CACNA2D3: variants seen among roughly 807,000 people sequenced by gnomAD.
The protein encoded by CACNA2D3 is calcium voltage-gated channel auxiliary subunit alpha2delta 3.
Under a neutral mutation model 160.6 loss-of-function variants are expected in CACNA2D3, and 60 were observed. The ratio of observed to expected loss-of-function variants is 0.37; its 90% CI spans 0.30 to 0.46. The LOEUF is 0.46. CACNA2D3 is among the 20% of genes least tolerant of loss of function. The probability of loss-of-function intolerance (pLI) is 1.00; values close to 1 mark genes in which losing one functional copy is unlikely to be tolerated. For synonymous variants in CACNA2D3, 558 were observed against 492.9 expected (o/e 1.13, Z -1.75); for missense variants, 1,205 against 1,365.0 (o/e 0.88, Z 1.85).
chr3:54,193,811 T>C (rs1406996940), intron 2 of CACNA2D3, among the ~76,000 whole-genome samples: 1 of 152,210 alleles, frequency 6.6e-6, no homozygotes, highest in Non-Finnish European at 1.5e-5. Context: ...TAGGTTCTAA[T>C]TCATTTCCTT....
At chr3:54,490,247 A>G (rs1482489322) in intron 4 of CACNA2D3, among the ~76,000 whole-genome samples, 1 of 152,206 alleles carries the variant, frequency 6.6e-6, no homozygotes, top group African/African-American at 2.4e-5. Flanking sequence ...TCACAGAAAG[A>G]CCTGAGGAGG....
chr3:54,827,943 A>G (rs988339698), intron 14 of CACNA2D3, among the ~76,000 whole-genome samples: 1 of 152,180 alleles, frequency 6.6e-6, no homozygotes, highest in African/African-American at 2.4e-5. Flanking sequence ...AATTCCCAGC[A>G]TTTCTTCCAG....
chr3:54,570,777 A>C (rs1376433426), intron 8 of CACNA2D3, among the ~76,000 whole-genome samples: 1 of 152,098 alleles, frequency 6.6e-6, no homozygotes, highest in Non-Finnish European at 1.5e-5. Context: ...CAAATGGGAG[A>C]TCAGGGAACC....
At chr3:54,478,679 T>TATAGCTATATATATATATATA (rs1559493334) in intron 4 of CACNA2D3, among the ~76,000 whole-genome samples, 1 of 47,768 alleles carries the variant, frequency 2.1e-5, no homozygotes, top group Non-Finnish European at 5.0e-5. Flanking sequence ...TATATATATA[T>TATAGCTATATATATATATATA]TGCTTGTCAT....
chr3:54,520,313 C>T (rs1185579781), intron 5 of CACNA2D3, among the ~76,000 whole-genome samples: 2 of 152,144 alleles, frequency 1.3e-5, no homozygotes, highest in Non-Finnish European at 2.9e-5. Context: ...GTGTCTTGGC[C>T]CAGCAGTGGG....
intron 3 of CACNA2D3, among the ~76,000 whole-genome samples, chr3:54,335,624 C>T (rs1263335004): frequency 1.3e-5 from 2 of 152,158 alleles, no homozygotes; most frequent in Admixed American, 6.5e-5. Context: ...GTGCCGACCT[C>T]CTGTCTCATC....
intron 35 of CACNA2D3, 81 bp downstream of exon 35, chr3:55,018,398 C>A: frequency 1.2e-6 from 1 of 802,510 alleles, no homozygotes; most frequent in Non-Finnish European, 2.2e-6. Flanking sequence ...GTGTGACTTG[C>A]AGGCACAGTT....
chr3:54,390,938 G>T (rs1278858579), intron 4 of CACNA2D3, among the ~76,000 whole-genome samples: 1 of 151,958 alleles, frequency 6.6e-6, no homozygotes, highest in South Asian at 2.1e-4. Context: ...GTGAAATAAC[G>T]CTGAGAAGGA....
chr3:54,924,923 C>G (rs1700966940), intron 27 of CACNA2D3: 3 of 1,612,952 alleles, frequency 1.9e-6, no homozygotes, highest in African/African-American at 2.7e-5. Context: ...TTAAAACCTG[C>G]AAGTGCTGAA....
intron 11 of CACNA2D3, among the ~76,000 whole-genome samples, chr3:54,747,187 G>C (rs911617745): frequency 2.0e-5 from 3 of 152,014 alleles, no homozygotes; most frequent in African/African-American, 7.2e-5. Flanking sequence ...CAGACCCCAC[G>C]GACATTTTTT....
intron 2 of CACNA2D3, among the ~76,000 whole-genome samples, chr3:54,204,687 T>A (rs1482535036): frequency 1.3e-5 from 2 of 149,962 alleles, no homozygotes; most frequent in Non-Finnish European, 3.0e-5. Context: ...TCCCAGCTAC[T>A]TGGGAGGCTG....
chr3:54,824,215 G>A (rs1036563705), intron 14 of CACNA2D3, among the ~76,000 whole-genome samples: 4 of 152,118 alleles, frequency 2.6e-5, no homozygotes, highest in South Asian at 2.1e-4. Context: ...TACCAAAGGC[G>A]ATCTACCAAT....
chr3:54,345,671 T>C (rs1698443436), intron 3 of CACNA2D3, among the ~76,000 whole-genome samples: 1 of 152,154 alleles, frequency 6.6e-6, no homozygotes, highest in Non-Finnish European at 1.5e-5. Flanking sequence ...TCTGTGAGGC[T>C]CAGTGTCACT....
intron 2 of CACNA2D3, among the ~76,000 whole-genome samples, chr3:54,149,922 T>TCC (rs1384833317): frequency 4.4e-5 from 3 of 68,284 alleles, no homozygotes; most frequent in African/African-American, 6.6e-5. Flanking sequence ...TCTCTCTCTC[T>TCC]CTCTCTCTCC....
chr3:54,940,843 T>A (rs1215963120), intron 27 of CACNA2D3, among the ~76,000 whole-genome samples: 1 of 152,230 alleles, frequency 6.6e-6, no homozygotes, highest in African/African-American at 2.4e-5. Flanking sequence ...CATATGTTTA[T>A]GGACAATGAG....
chr3:54,686,057 A>G (rs1371393486), intron 11 of CACNA2D3, among the ~76,000 whole-genome samples: 4 of 152,236 alleles, frequency 2.6e-5, no homozygotes, highest in Non-Finnish European at 5.9e-5. Flanking sequence ...CTCGATTCTC[A>G]TAGCAGGACT....
chr3:54,779,393 C>T (rs936738994), intron 13 of CACNA2D3, among the ~76,000 whole-genome samples: 5 of 152,224 alleles, frequency 3.3e-5, no homozygotes, highest in Admixed American at 3.3e-4. Flanking sequence ...GCTACCACTC[C>T]TGGCCCAGAA....
intron 14 of CACNA2D3, among the ~76,000 whole-genome samples, chr3:54,833,489 G>A (rs1703923710): frequency 6.6e-6 from 1 of 152,050 alleles, no homozygotes; most frequent in Non-Finnish European, 1.5e-5. Flanking sequence ...GCAGCTACAG[G>A]TTGGGGGGCC....
intron 11 of CACNA2D3, among the ~76,000 whole-genome samples, chr3:54,693,325 G>T (rs1280357607): frequency 1.3e-5 from 2 of 152,150 alleles, no homozygotes; most frequent in Admixed American, 1.3e-4. Context: ...AGATTATAAT[G>T]AAGCTAAAAT....
Sources: allele counts gnomAD v4.1 joint callset (sites outside exome capture counted in the v4.1 genomes callset), GRCh38; gene constraint gnomAD v4.1.1; transcripts MANE v1.5; gene names NCBI Gene and HGNC (gene_info 2026-07-23, HGNC 2026-07-21).